The following MLPH variants were observed in gnomAD, a reference collection of about 807,000 sequenced individuals.
The protein encoded by MLPH is exophilin-3.
In MLPH, 51 loss-of-function variants were observed where a neutral mutation model predicts 72.1. The ratio of observed to expected loss-of-function variants is 0.71; its 90% CI spans 0.56 to 0.89. The LOEUF (loss-of-function observed/expected upper bound fraction) is 0.89, where lower values mean the gene tolerates loss of function less well. Among genes scored for constraint, MLPH ranks in the 40% least tolerant of loss-of-function variants. The probability of loss-of-function intolerance (pLI) is 0.00; values close to 1 mark genes in which losing one functional copy is unlikely to be tolerated. For synonymous variants in MLPH, 301 were observed against 310.1 expected (o/e 0.97, Z 0.31); for missense variants, 743 against 759.9 (o/e 0.98, Z 0.26).
At chr2:237,537,477 T>C (rs1364990931) in intron 9 of MLPH, 1 of 152,198 alleles carries the variant, frequency 6.6e-6, no homozygotes, top group Non-Finnish European at 1.5e-5. Context: ...TCAGCTCATA[T>C]CAGGCCCAAT....
Position 237,541,830 on chromosome 2 carries a change from C to A in MLPH, c.1447-737C>A, listed in dbSNP as rs2080693842. ...TCATGAAAAGTGTGATTAAGACAAT[C>A]AGTGAAGGTGAGCCCCTAGAGTGCT... On this transcript the variant is annotated intron_variant, in intron 11 of 15. Coordinates refer to ENST00000264605, the MANE Select transcript of MLPH (RefSeq NM_024101.7). The surrounding 1 kb of genome is among the most constrained non-coding windows in gnomAD (Gnocchi z 5.1). Among the ~76,000 whole-genome samples the A allele has an allele frequency of 6.6e-6, 1 of 152,226 alleles. No homozygotes were observed. The highest frequency in any genetic ancestry group is 1.9e-4 in the East Asian group (1 of 5,194).
At chr2:237,538,798 G>A (rs2106371427) in intron 9 of MLPH, among the ~76,000 whole-genome samples, 1 of 152,362 alleles carries the variant, frequency 6.6e-6, no homozygotes, top group South Asian at 2.1e-4. Flanking sequence ...AACCCAACAA[G>A]TGGAACACAG....
At chr2:237,539,766 A>G (rs1288330105) in intron 9 of MLPH, among the ~76,000 whole-genome samples, 1 of 152,158 alleles carries the variant, frequency 6.6e-6, no homozygotes, top group Non-Finnish European at 1.5e-5. Context: ...TGAGATGCAG[A>G]GGGGTTGAGT....
chr2:237,530,895 G>A (rs1298483810), intron 8 of MLPH, among the ~76,000 whole-genome samples: 3 of 152,230 alleles, frequency 2.0e-5, no homozygotes, highest in Non-Finnish European at 4.4e-5. Flanking sequence ...AGCAGACCCA[G>A]TGCTGCAGCA....
In MLPH at chr2:237,540,463, A is replaced by AGG; in HGVS notation, c.1220_1221insGG (p.Ala408GlufsTer65). On this transcript the variant is annotated frameshift_variant, in exon 10 of 16. Transcript: ENST00000264605. LOFTEE classifies it high-confidence loss of function. ...CAGGAGACCTCGTCCGAGGAGGAGG[A>AGG]AGCCAAGGACGAAAAGGCAGAGCCC... is the stretch of plus-strand genomic sequence containing the variant. 1.9e-6 allele frequency: 3 copies of AGG among 1,609,816 alleles called. No homozygotes were observed. Among genetic ancestry groups the AGG allele is most frequent in the Non-Finnish European group, 2.5e-6 (3 of 1,177,306 alleles).
At chr2:237,492,957 T>G (rs954649932) in intron 1 of MLPH, among the ~76,000 whole-genome samples, 1 of 152,216 alleles carries the variant, frequency 6.6e-6, no homozygotes, top group Admixed American at 6.5e-5. Flanking sequence ...GAGCTGACTA[T>G]GAATTTGCTG....
Position 237,553,591 on chromosome 2 carries a change from AAC to A in MLPH, c.1803_*1del. Reference sequence around the variant, plus strand: ...AAACCTGTGGTGGCCCACCAGTCCTAACGGGACAGGACAGAGAGACAGAGCAG... The same window carrying A: ...AAACCTGTGGTGGCCCACCAGTCCTAGGGACAGGACAGAGAGACAGAGCAG... On this transcript the variant is annotated stop_retained_variant and 3_prime_UTR_variant, in exon 16 of 16. Coordinates refer to ENST00000264605, the MANE Select transcript of MLPH (RefSeq NM_024101.7). 4 of 1,614,220 alleles carry A rather than the reference AAC, an allele frequency of 2.5e-6. No individual in the cohort carries two copies. The African/African-American group carries it at 4.0e-5, about 16-fold the overall frequency.
At chr2:237,520,164 A>C (rs923355339) in intron 6 of MLPH, 135 bp downstream of exon 6, 1 of 1,193,752 alleles carries the variant, frequency 8.4e-7, no homozygotes, top group African/African-American at 1.5e-5. Flanking sequence ...CCAAGGCATG[A>C]CAGGGAAGGG....
chr2:237,549,321 G>GA, intron 14 of MLPH, 43 bp downstream of exon 14: 1 of 1,535,110 alleles, frequency 6.5e-7, no homozygotes, highest in South Asian at 1.1e-5. Flanking sequence ...CCTGGGAAAT[G>GA]AGCTTCGGGG....
intron 2 of MLPH, among the ~76,000 whole-genome samples, chr2:237,495,756 A>C (rs1467500342): frequency 6.6e-6 from 1 of 152,136 alleles, no homozygotes; most frequent in Admixed American, 6.5e-5. Flanking sequence ...GGGAGGGCCC[A>C]ACCTGCTGGC....
chr2:237,539,171 A>C (rs1264580180), intron 9 of MLPH, among the ~76,000 whole-genome samples: 4 of 152,214 alleles, frequency 2.6e-5, no homozygotes, highest in Non-Finnish European at 1.5e-5. Context: ...AGCAGAAGAC[A>C]GCTGGCTGAG....
At position 237,541,086 on chromosome 2, in the gene MLPH, C is replaced by A; in HGVS notation, c.1446+129C>A. The A allele has an allele frequency of 1.6e-6, 2 of 1,282,010 alleles. No individual in the cohort carries two copies. The highest frequency in any genetic ancestry group is 1.5e-5 in the African/African-American group (1 of 67,996). The allele number at this position is 1,282,010 out of a possible 1,614,324, so 79.4% of individuals were successfully genotyped here. A position where few individuals can be genotyped will look rare whatever the true frequency, so the allele number is the denominator to read the frequency against. ...GAGCCCTCCCCATTGGCCCAGCATG[C>A]ACGGCTCTGAAGGCCAGGCATGAAC... On this transcript the variant is annotated intron_variant, in intron 11 of 15. Transcript: ENST00000264605. The surrounding 1 kb of genome is among the most constrained non-coding windows in gnomAD (Gnocchi z 5.1).
chr2:237,546,462 T>C (rs903209450), intron 12 of MLPH, 144 bp from the exon 13 acceptor site: 5 of 733,640 alleles, frequency 6.8e-6, no homozygotes, highest in African/African-American at 1.7e-5. Flanking sequence ...TGGAGCGGCA[T>C]ACTGGGGGTG....
intron 2 of MLPH, among the ~76,000 whole-genome samples, chr2:237,497,525 C>G (rs1196493972): frequency 6.6e-6 from 1 of 152,210 alleles, no homozygotes; most frequent in Non-Finnish European, 1.5e-5. Flanking sequence ...TTGAGCACCG[C>G]AAGGTCAAAA....
chr2:237,527,342 A>G, intron 7 of MLPH, 35 bp from the exon 8 acceptor site: 1 of 1,613,982 alleles, frequency 6.2e-7, no homozygotes, highest in Non-Finnish European at 8.5e-7. Context: ...TCAGGTTTTC[A>G]CTGCAAGTAA....
Position 237,510,529 on chromosome 2 carries a change from A to T in MLPH, c.111-45A>T. The T allele has an allele frequency of 6.3e-7, 1 of 1,595,810 alleles. No individual in the cohort carries two copies. The highest frequency in any genetic ancestry group is 1.1e-5 in the South Asian group (1 of 89,556). ...TGTACACACTTAAAGCCTGTTGCAA[A>T]AACAAGATGCCCAATATATTTCTTG... On this transcript the variant is annotated intron_variant, in intron 2 of 15. Transcript: ENST00000264605. This position sits in a 1 kb window ranked among gnomAD's most constrained non-coding sequence, Gnocchi z 4.4.
In MLPH at chr2:237,554,673, G is replaced by A. The variant is rs910463084; in HGVS notation, c.*1081G>A. 2 of 152,228 alleles carry A rather than the reference G, an allele frequency of 1.3e-5. No homozygotes were observed. The highest frequency in any genetic ancestry group is 4.8e-5 in the African/African-American group (2 of 41,454). The allele number at this position is 152,228 out of a possible 1,614,324, so 9.4% of individuals were successfully genotyped here. On this transcript the variant is annotated 3_prime_UTR_variant, in exon 16 of 16. Transcript: ENST00000264605. ...GCCTTTGTCAGAGGGGGTGCTGAGA[G>A]GAGTGGCTTCTTTTAGAATCAAACA...
intron 13 of MLPH, 23 bp downstream of exon 13, chr2:237,546,706 C>T (rs776644348): frequency 6.3e-7 from 1 of 1,599,504 alleles, no homozygotes; most frequent in Non-Finnish European, 8.6e-7. Context: ...CCATTCAAGC[C>T]CCAGACACCC....
chr2:237,493,580 C>T (rs776090755), intron 2 of MLPH, 44 bp downstream of exon 2: 2 of 1,486,030 alleles, frequency 1.3e-6, no homozygotes, highest in East Asian at 2.3e-5. Context: ...GGTCCCTGAT[C>T]TTCCCCCAGG....
Sources: gnomAD v4.1 joint callset for allele counts (sites outside exome capture counted in the v4.1 genomes callset) on GRCh38, gnomAD v4.1.1 for gene constraint, Gnocchi (gnomAD v3.1) non-coding constraint, MANE v1.5 for transcripts, NCBI Gene and HGNC (gene_info 2026-07-23, HGNC 2026-07-21) for gene names.